KMT2D: variants seen among roughly 807,000 people sequenced by gnomAD.
KMT2D encodes the protein histone-lysine N-methyltransferase 2D.
KMT2D carries 55 observed loss-of-function variants against 512.7 expected under a neutral mutation model. The observed-to-expected ratio is 0.11, with a 90% CI of 0.09 to 0.13. The LOEUF (loss-of-function observed/expected upper bound fraction) is 0.13. Ranked by LOEUF, KMT2D falls within the 10% of genes least tolerant of loss-of-function variation. The pLI is 1.00. For synonymous variants in KMT2D, 2,995 were observed against 2,904.0 expected, an observed-to-expected ratio of 1.03 and a Z score of -1.01; for missense variants, 6,061 against 7,127.9, an observed-to-expected ratio of 0.85 and a Z score of 5.39.
At position 49,049,215 on chromosome 12, in the gene KMT2D, G is replaced by A. The variant is rs375144626; in HGVS notation, c.3910C>T (p.Arg1304Cys). 1.8e-5 allele frequency: 29 copies of A among 1,590,030 alleles called. No individual in the cohort carries two copies. The highest frequency in any genetic ancestry group is 2.7e-5 in the African/African-American group (2 of 74,480). ...CGTCTTCCTGGGAAACTGCTGCTGC[G>A]ACCCTGAGTGAAAGAAGGGGACAAT... is the stretch of plus-strand genomic sequence containing the variant. The part of the protein sequence containing the change: ...SPARSRIKQG[R>C]SSSFPGRRRP... The change falls in exon 13 of 55, where the codon CGC becomes TGC. Residue 1304 changes from arginine (R) to cysteine (C), a missense_variant. By Grantham distance (180) the Arg-to-Cys change is radical. Transcript: ENST00000301067.
Position 49,039,057 on chromosome 12 carries a change from C to G in KMT2D, c.8367-68G>C, listed in dbSNP as rs964549667. On this transcript the variant is annotated intron_variant, in intron 34 of 54. Coordinates refer to ENST00000301067, the MANE Select transcript of KMT2D (RefSeq NM_003482.4). This position sits in a 1 kb window ranked among gnomAD's most constrained non-coding sequence, Gnocchi z 5.0. ...AAGGAGCAAGAACATGGGCTTAGGG[C>G]AGTGAGGAAGGATAGAATTAATGCA... is the stretch of plus-strand genomic sequence containing the variant. 3.4e-5 allele frequency: 51 copies of G among 1,521,304 alleles called. No homozygotes were observed. The highest frequency in any genetic ancestry group is 4.5e-5 in the Non-Finnish European group (50 of 1,113,142). The allele number at this position is 1,521,304 out of a possible 1,614,324, so 94.2% of individuals were successfully genotyped here.
intron 46 of KMT2D, among the ~76,000 whole-genome samples, chr12:49,028,402 C>T (rs774330912): frequency 3.9e-5 from 6 of 152,208 alleles, no homozygotes; most frequent in African/African-American, 7.2e-5. Flanking sequence ...GACTTGGAGG[C>T]TCATGATACA....
At position 49,038,596 on chromosome 12, in the gene KMT2D, C is replaced by A. The variant is rs756957212; in HGVS notation, c.8760G>T (p.Gly2920=). ...SEDPHRLAPE[G]LRGLAVSGLP... ...GACCTGATACCGCCAGGCCCCGAAG[C>A]CCTTCAGGAGCCAGTCGGTGGGGGT... Residue 2920 remains glycine, a synonymous_variant, in exon 35 of 55, where the codon GGG becomes GGT. Transcript: ENST00000301067. This position sits in a 1 kb window ranked among gnomAD's most constrained non-coding sequence, Gnocchi z 5.7. 9.3e-6 allele frequency: 15 copies of A among 1,612,586 alleles called. 1 individual carries two copies. The South Asian group carries it at 1.2e-4, about 13-fold the overall frequency.
Position 49,050,741 on chromosome 12 carries a change from C to G in KMT2D, c.2847G>C (p.Pro949=), listed in dbSNP as rs369436545. The change falls in exon 12 of 55, where the codon CCG becomes CCC. Residue 949 remains proline, a synonymous_variant. Transcript: ENST00000301067. ...LSPIITAAAP[P]ALSPLGELEY... The stretch of plus-strand genomic sequence containing the variant: ...CTAACTCCCCCAAAGGAGACAGGGC[C>G]GGTGGGGCCGCAGCTGTGATGATGG... 6.2e-7 allele frequency: 1 copy of G among 1,612,540 alleles called. No homozygotes were observed. Among genetic ancestry groups the G allele is most frequent in the Non-Finnish European group, 8.5e-7 (1 of 1,179,208 alleles).
intron 43 of KMT2D, among the ~76,000 whole-genome samples, chr12:49,029,815 G>A (rs560602397): frequency 9.2e-5 from 14 of 152,042 alleles, no homozygotes; most frequent in Admixed American, 9.2e-4. Context: ...CAGGCCTGGT[G>A]GCAGCTGGCT....
At chr12:49,030,534 T>C in intron 42 of KMT2D, 67 bp downstream of exon 42, 2 of 1,496,502 alleles carry the variant, frequency 1.3e-6, no homozygotes, top group Non-Finnish European at 1.8e-6. Flanking sequence ...TCCCTCAAGT[T>C]TTCTATTCCC....
chr12:49,047,914 G>A, intron 15 of KMT2D, 51 bp downstream of exon 15: 1 of 1,319,456 alleles, frequency 7.6e-7, no homozygotes, highest in East Asian at 2.3e-5. Flanking sequence ...ACTAGGGTAA[G>A]AAATAACTGA....
At position 49,037,174 on chromosome 12, in the gene KMT2D, C is replaced by G. The variant is rs1447465745; in HGVS notation, c.10182G>C (p.Gln3394His). The G allele has an allele frequency of 6.3e-7, 1 of 1,597,996 alleles. No individual in the cohort carries two copies. The highest frequency in any genetic ancestry group is 1.1e-5 in the South Asian group (1 of 90,144). The change falls in exon 35 of 55, where the codon CAG becomes CAC. Residue 3394 changes from glutamine (Q) to histidine (H), a missense_variant. Coordinates refer to ENST00000301067, the MANE Select transcript of KMT2D (RefSeq NM_003482.4). ...CCAGCTGCTGCTGCATTGCCAATTG[C>G]TGCGGCTTCATGCACATGGAAGGTG... ...TMPPSMCMKP[Q>H]QLAMQQQLAN... is the part of the protein sequence containing the mutation.
chr12:49,031,187 G>C lies in KMT2D; in HGVS notation c.13518C>G (p.Pro4506=). The change falls in exon 40 of 55, where the codon CCC becomes CCG. Residue 4506 remains proline, a synonymous_variant. Transcript: ENST00000301067. The part of the protein sequence containing the change: ...AGLEQKLQGT[P]SNKEDAAARK... ...TCAGAGTACTCACCTCCTTGTTGCT[G>C]GGGGTACCCTGTAGTTTCTGCTCCA... The C allele has an allele frequency of 6.2e-7, 1 of 1,608,360 alleles. No homozygotes were observed.
chr12:49,046,116 C>T lies in KMT2D; in HGVS notation c.4642G>A (p.Asp1548Asn), dbSNP rs774736686. Reference protein sequence around the residue: ...FTEDDVEQAADEGFDCVSCQP... With the variant: ...FTEDDVEQAANEGFDCVSCQP... ...CAGGAGACACAGTCAAAGCCTTCAT[C>T]GGCTGCCTGCTCCACATCGTCCTCT... The change falls in exon 18 of 55, where the codon GAT (aspartate) becomes AAT (asparagine). Residue 1548 changes from aspartate to asparagine, a missense_variant. Coordinates refer to ENST00000301067, the MANE Select transcript of KMT2D (RefSeq NM_003482.4). This position sits in a 1 kb window ranked among gnomAD's most constrained non-coding sequence, Gnocchi z 4.2. The T allele has an allele frequency of 1.6e-5, 25 of 1,610,494 alleles. No individual in the cohort carries two copies. Among genetic ancestry groups the T allele is most frequent in the East Asian group, 2.2e-5 (1 of 44,756 alleles).
At position 49,051,476 on chromosome 12, in the gene KMT2D, G is replaced by T. The variant is rs747689813; in HGVS notation, c.2207C>A (p.Pro736His). 6.2e-7 allele frequency: 1 copy of T among 1,613,788 alleles called. No individual in the cohort carries two copies. ...LPLPEEPQLC[P>H]RSEGPHLSPR... ...TGACAGGTGCGGCCCCTCGGACCGGGGGCAGAGTTGCGGCTCCTCAGGTAG... is the reference window on the plus strand; with the variant it reads ...TGACAGGTGCGGCCCCTCGGACCGGTGGCAGAGTTGCGGCTCCTCAGGTAG... The change falls in exon 11 of 55, where the codon CCC becomes CAC. Residue 736 changes from proline (P) to histidine (H), a missense_variant. Around this residue, in one of 16 missense-constraint regions of KMT2D, gnomAD observed 848 missense variants for 838.5 expected, o/e 1.01. Transcript: ENST00000301067.
At chr12:49,053,837 C>T in intron 6 of KMT2D, 141 bp downstream of exon 6, 1 of 1,104,140 alleles carries the variant, frequency 9.1e-7, no homozygotes, top group Non-Finnish European at 1.3e-6. Context: ...AACCCTGGTG[C>T]TCACAAAGTT....
chr12:49,022,695 G>C lies in KMT2D; in HGVS notation c.16233C>G (p.Leu5411=), dbSNP rs2137706832. Residue 5411 remains leucine (L), a synonymous_variant, in exon 52 of 55, where the codon CTC becomes CTG. Coordinates refer to ENST00000301067, the MANE Select transcript of KMT2D (RefSeq NM_003482.4). This position sits in a 1 kb window ranked among gnomAD's most constrained non-coding sequence, Gnocchi z 8.6. ...LARSRIQGLG[L]YAAKDLEKHT... ...GCTTTTCTAGGTCCTTGGCTGCATA[G>C]AGCCCCAGGCCCTGGATACGGGAGC... The C allele has an allele frequency of 1.2e-6, 2 of 1,613,966 alleles. No individual in the cohort carries two copies. Among genetic ancestry groups the C allele is most frequent in the East Asian group, 2.2e-5 (1 of 44,880 alleles).
chr12:49,019,268 G>T lies in KMT2D; in HGVS notation c.*2512C>A. The T allele has an allele frequency of 1.4e-6, 1 of 709,470 alleles. No homozygotes were observed. Among genetic ancestry groups the T allele is most frequent in the Non-Finnish European group, 1.8e-6 (1 of 556,800 alleles). 43.9% of individuals were successfully genotyped at this position (709,470 alleles called of 1,614,324 possible). The stretch of plus-strand genomic sequence containing the variant: ...TTGTCAGCGATTTATTTTTTAAAAA[G>T]GGGGAGGGTCCTGGAGGTGAGGGGA... On this transcript the variant is annotated 3_prime_UTR_variant, in exon 55 of 55. Transcript: ENST00000301067.
At position 49,026,249 on chromosome 12, in the gene KMT2D, C is replaced by T. The variant is rs543419394; in HGVS notation, c.15717G>A (p.Pro5239=). Reference sequence around the variant, plus strand: ...GCTCGATGACTTTGATTACAAACTCCGGCCGCCCGTTGTTCTCACCAATAG... The same window carrying T: ...GCTCGATGACTTTGATTACAAACTCTGGCCGCCCGTTGTTCTCACCAATAG... ...RCSIGENNGR[P]EFVIKVIEQG... The change falls in exon 49 of 55, where the codon CCG becomes CCA. Residue 5239 remains proline (P), a synonymous_variant. Transcript: ENST00000301067. The surrounding 1 kb of genome is among the most constrained non-coding windows in gnomAD (Gnocchi z 9.6). 1.6e-5 allele frequency: 26 copies of T among 1,604,508 alleles called. No individual in the cohort carries two copies. The highest frequency in any genetic ancestry group is 1.1e-4 in the East Asian group (5 of 44,596).
Position 49,020,605 on chromosome 12 carries a change from C to T in KMT2D, c.*1175G>A, listed in dbSNP as rs1247030522. 4 of 157,994 alleles carry T rather than the reference C, an allele frequency of 2.5e-5. No homozygotes were observed. Among genetic ancestry groups the T allele is most frequent in the Non-Finnish European group, 5.4e-5 (4 of 74,550 alleles). 9.8% of individuals were successfully genotyped at this position (157,994 alleles called of 1,614,324 possible). ...ACCCTCCCCGCGCTGACACTAAGCT[C>T]CCCCACCCCCACATCACCACCCCTT... On this transcript the variant is annotated 3_prime_UTR_variant, in exon 55 of 55. Transcript: ENST00000301067.
chr12:49,039,461 C>T lies in KMT2D; in HGVS notation c.8203G>A (p.Gly2735Ser), dbSNP rs755221215. 18 of 1,603,444 alleles carry T rather than the reference C, an allele frequency of 1.1e-5. No homozygotes were observed. The highest frequency in any genetic ancestry group is 1.4e-5 in the Non-Finnish European group (17 of 1,173,604). ...SSPAFEQLSR[G>S]QTPFAGTQDK... The stretch of plus-strand genomic sequence containing the variant: ...TGTGTCCCAGCAAAGGGGGTCTGGC[C>T]TCGACTCAGCTGCTCAAAGGCAGGG... Residue 2735 changes from glycine (G) to serine (S), a missense_variant, in exon 33 of 55, where the codon GGC becomes AGC. By Grantham distance (56) the Gly-to-Ser change is moderately conservative. Transcript: ENST00000301067. The surrounding 1 kb of genome is among the most constrained non-coding windows in gnomAD (Gnocchi z 5.0).
intron 10 of KMT2D, 27 bp from the exon 11 acceptor site, chr12:49,052,451 T>G: frequency 6.5e-7 from 1 of 1,541,362 alleles, no homozygotes; most frequent in Non-Finnish European, 8.8e-7. Context: ...ACGATGCTCC[T>G]ATCTAGCTCA....
At position 49,053,054 on chromosome 12, in the gene KMT2D, C is replaced by G. The variant is rs778714676; in HGVS notation, c.973G>C (p.Ala325Pro). Residue 325 changes from alanine (A) to proline (P), a missense_variant, in exon 9 of 55, where the codon GCC becomes CCC. By Grantham distance (27) the Ala-to-Pro change is conservative. Coordinates refer to ENST00000301067, the MANE Select transcript of KMT2D (RefSeq NM_003482.4). The stretch of plus-strand genomic sequence containing the variant: ...AGTTCTGCTGAGCCCGCCCCACAGG[C>G]CCGGCACACCCGGCACGCCTAAGGG... ...WKCKACRVCR[A>P]CGAGSAELNP... 2 of 1,614,010 alleles carry G rather than the reference C, an allele frequency of 1.2e-6. No homozygotes were observed. The highest frequency in any genetic ancestry group is 1.3e-5 in the African/African-American group (1 of 75,058).
Sources: allele counts gnomAD v4.1 joint callset (sites outside exome capture counted in the v4.1 genomes callset), GRCh38; gene constraint gnomAD v4.1.1; regional missense constraint gnomAD v4.1.1; non-coding constraint Gnocchi (gnomAD v3.1); transcripts MANE v1.5; gene names NCBI Gene and HGNC (gene_info 2026-07-23, HGNC 2026-07-21).